The following KIF5B variants were observed in gnomAD, a reference collection of about 807,000 sequenced individuals.
KIF5B encodes kinesin-1 heavy chain.
Under a neutral mutation model 132.8 loss-of-function variants are expected in KIF5B, and 49 were observed. The ratio of observed to expected loss-of-function variants is 0.37; its 90% CI spans 0.29 to 0.47. The LOEUF is 0.47. Among genes scored for constraint, KIF5B ranks in the 20% least tolerant of loss-of-function variants. The probability of loss-of-function intolerance (pLI) is 1.00; values close to 1 mark genes in which losing one functional copy is unlikely to be tolerated. For synonymous variants in KIF5B, 355 were observed against 369.4 expected (o/e 0.96, Z 0.45); for missense variants, 780 against 1,144.0 (o/e 0.68, Z 4.59).
chr10:32,035,388 C>A, intron 10 of KIF5B, 134 bp downstream of exon 10: 4 of 652,064 alleles, frequency 6.1e-6, no homozygotes, highest in South Asian at 2.8e-5. Flanking sequence ...CTTGTATTAT[C>A]TGTCATCAAT....
intron 2 of KIF5B, among the ~76,000 whole-genome samples, chr10:32,047,887 G>GT (rs1386745408): frequency 6.6e-6 from 1 of 152,188 alleles, no homozygotes; most frequent in Non-Finnish European, 1.5e-5. Context: ...GTAACTGGAA[G>GT]TAACTCCAGA....
rs577881237 is a variant in KIF5B, at chr10:32,030,988, A to G, written c.1581+85T>C. 45 of 923,356 alleles carry G rather than the reference A, an allele frequency of 4.9e-5. No individual in the cohort carries two copies. In the African/African-American group the frequency reaches 6.9e-4, roughly 14 times the overall value. 57.2% of individuals were successfully genotyped at this position (923,356 alleles called of 1,614,324 possible). ...TTGATGTTATCGATATTTGACTTAC[A>G]TAGAAAAGTAAGTTATTTAAGTAGT... On this transcript the variant is annotated intron_variant, in intron 14 of 25. Transcript: ENST00000302418.
intron 2 of KIF5B, among the ~76,000 whole-genome samples, chr10:32,046,687 G>A (rs1326037549): frequency 6.6e-6 from 1 of 152,092 alleles, no homozygotes; most frequent in African/African-American, 2.4e-5. Flanking sequence ...CAAAGTGCTG[G>A]AATTACAGGT....
At position 32,034,718 on chromosome 10, in the gene KIF5B, A is replaced by G; in HGVS notation, c.1083T>C (p.Leu361=). The G allele has an allele frequency of 6.3e-7, 1 of 1,593,886 alleles. No homozygotes were observed. Among genetic ancestry groups the G allele is most frequent in the South Asian group, 1.2e-5 (1 of 86,732 alleles). ...TACGCCATCTGTTGAGCTCATTTTC[A>G]AGCCACTGAATAGTGTTCCGCAGGA... is the stretch of plus-strand genomic sequence containing the variant. ...NKILRNTIQW[L]ENELNRWRNG... is the part of the protein sequence containing the mutation. The change falls in exon 11 of 26, where the codon CTT becomes CTC. Residue 361 remains leucine, a synonymous_variant. Transcript: ENST00000302418.
At chr10:32,024,215 C>T (rs1461023497) in intron 15 of KIF5B, among the ~76,000 whole-genome samples, 3 of 109,996 alleles carry the variant, frequency 2.7e-5, no homozygotes, top group Admixed American at 2.7e-4. Flanking sequence ...AGTGCAGTGG[C>T]GGGATCTCGG....
rs1308552594 is a variant in KIF5B, at chr10:32,037,748, G to A, written c.499-141C>T. ...CTTGGGAGGCTGAGGCAGGAGAATC[G>A]CTTGAGCCTGGGAGGCAAAGGTTGC... On this transcript the variant is annotated intron_variant, in intron 6 of 25. Coordinates refer to ENST00000302418, the MANE Select transcript of KIF5B (RefSeq NM_004521.3). 1.4e-5 allele frequency: 9 copies of A among 627,798 alleles called. No individual in the cohort carries two copies. The Middle Eastern group carries it at 1.1e-3, about 78-fold the overall frequency. The allele number at this position is 627,798 out of a possible 1,614,324, so 38.9% of individuals were successfully genotyped here. A position where few individuals can be genotyped will look rare whatever the true frequency, so the allele number is the denominator to read the frequency against.
At chr10:32,032,362 T>C (rs1414569528) in intron 13 of KIF5B, among the ~76,000 whole-genome samples, 3 of 152,162 alleles carry the variant, frequency 2.0e-5, no homozygotes, top group Admixed American at 6.5e-5. Context: ...AAGCAGTCTT[T>C]GTCTTCACCC....
intron 1 of KIF5B, 123 bp downstream of exon 1, chr10:32,055,725 C>T (rs191487522): frequency 7.4e-7 from 1 of 1,347,448 alleles, no homozygotes. Flanking sequence ...CCGGCAAACC[C>T]CGCCGGGGAG....
intron 25 of KIF5B, among the ~76,000 whole-genome samples, chr10:32,014,709 A>G (rs1592435941): frequency 6.6e-6 from 1 of 152,222 alleles, no homozygotes; most frequent in East Asian, 1.9e-4. Flanking sequence ...AATTTGGTGC[A>G]GTCTTTCTAG....
intron 2 of KIF5B, among the ~76,000 whole-genome samples, chr10:32,041,749 A>G (rs1034681586): frequency 6.6e-6 from 1 of 152,190 alleles, no homozygotes; most frequent in Non-Finnish European, 1.5e-5. Context: ...TTCAGCTTCA[A>G]GTAGCCAGGA....
At chr10:32,014,099 C>T (rs557556725) in intron 25 of KIF5B, among the ~76,000 whole-genome samples, 56 of 152,300 alleles carry the variant, frequency 3.7e-4, no homozygotes, top group African/African-American at 1.3e-3. Context: ...CACATACACA[C>T]ATCAGGGACT....
chr10:32,046,572 C>A (rs1036847941), intron 2 of KIF5B, among the ~76,000 whole-genome samples: 2 of 152,100 alleles, frequency 1.3e-5, no homozygotes, highest in African/African-American at 4.8e-5. Flanking sequence ...TTTCTGCGAT[C>A]TTATTCTTTC....
intron 2 of KIF5B, among the ~76,000 whole-genome samples, chr10:32,042,211 AC>A (rs1383802643): frequency 6.6e-6 from 1 of 152,094 alleles, no homozygotes; most frequent in Non-Finnish European, 1.5e-5. Flanking sequence ...AGAAAAAAAA[AC>A]CCCAACATGG....
chr10:32,038,719 A>G, intron 5 of KIF5B, 59 bp downstream of exon 5: 1 of 944,354 alleles, frequency 1.1e-6, no homozygotes, highest in Non-Finnish European at 1.6e-6. Context: ...TCTCACATCT[A>G]TTATTAAAAA....
intron 14 of KIF5B, among the ~76,000 whole-genome samples, chr10:32,029,040 G>T (rs1325746351): frequency 6.6e-6 from 1 of 152,130 alleles, no homozygotes; most frequent in Non-Finnish European, 1.5e-5. Flanking sequence ...ATAATACTAT[G>T]ATACAGGCAA....
At chr10:32,026,466 C>T (rs1191408876) in intron 15 of KIF5B, among the ~76,000 whole-genome samples, 6 of 80,838 alleles carry the variant, frequency 7.4e-5, no homozygotes, top group Non-Finnish European at 1.1e-4. Context: ...AAAAAAGTAA[C>T]GCTCTAACAG....
At chr10:32,023,283 A>G (rs1841289681) in intron 15 of KIF5B, among the ~76,000 whole-genome samples, 1 of 152,238 alleles carries the variant, frequency 6.6e-6, no homozygotes, top group South Asian at 2.1e-4. Context: ...AAAAATAAAT[A>G]AATGTAAACC....
At chr10:32,016,243 G>A (rs1007297286) in intron 24 of KIF5B, among the ~76,000 whole-genome samples, 1 of 152,012 alleles carries the variant, frequency 6.6e-6, no homozygotes, top group African/African-American at 2.4e-5. Flanking sequence ...GATCATCTGA[G>A]GTCAGGAGTA....
At chr10:32,012,370 G>T (rs554590655) in intron 25 of KIF5B, among the ~76,000 whole-genome samples, 2 of 152,290 alleles carry the variant, frequency 1.3e-5, no homozygotes, top group Admixed American at 1.3e-4. Context: ...AGCTACTCGG[G>T]AGGGTGAGGC....
Sources: allele counts gnomAD v4.1 joint callset (sites outside exome capture counted in the v4.1 genomes callset), GRCh38; gene constraint gnomAD v4.1.1; transcripts MANE v1.5; gene names NCBI Gene and HGNC (gene_info 2026-07-23, HGNC 2026-07-21).